MTMR1: variants seen among roughly 807,000 people sequenced by gnomAD.
MTMR1 encodes the protein phosphatidylinositol-3-phosphate phosphatase MTMR1.
A neutral mutation model predicts 51.6 loss-of-function variants in MTMR1; 17 were observed. The observed-to-expected ratio is 0.33, with a 90% confidence interval of 0.23 to 0.49. MTMR1 has a LOEUF of 0.49. Among genes scored for constraint, MTMR1 ranks in the 20% least tolerant of loss-of-function variants. The pLI is 0.99. For missense variants in MTMR1, 386 were observed against 526.9 expected (o/e 0.73, Z 2.62); for synonymous variants, 201 against 205.6 (o/e 0.98, Z 0.19).
intron 15 of MTMR1, among the ~76,000 whole-genome samples, chrX:150,760,518 A>G (rs190545884): frequency 4.5e-5 from 5 of 112,241 alleles, no homozygotes; most frequent in African/African-American, 1.3e-4. Context: ...GCTAGTACCC[A>G]TGCGGCAAAC....
intron 2 of MTMR1, among the ~76,000 whole-genome samples, chrX:150,709,875 A>G (rs1557416163): frequency 1.8e-5 from 2 of 112,519 alleles, no homozygotes; most frequent in African/African-American, 6.5e-5. Flanking sequence ...ATCCAACATG[A>G]GATTTAGAGG....
chrX:150,759,338 A>G (rs1346849767), intron 15 of MTMR1, among the ~76,000 whole-genome samples: 1 of 112,219 alleles, frequency 8.9e-6, no homozygotes, highest in Non-Finnish European at 1.9e-5. Flanking sequence ...AGAGTGTCAG[A>G]AGTCACTATG....
At chrX:150,748,539 C>T (rs192528864) in intron 13 of MTMR1, among the ~76,000 whole-genome samples, 69 of 110,006 alleles carry the variant, frequency 6.3e-4, no homozygotes, top group African/African-American at 2.1e-3. Flanking sequence ...CTATTTGAGC[C>T]GGGCACGGTA....
chrX:150,719,286 G>A (rs782617208), intron 4 of MTMR1, among the ~76,000 whole-genome samples: 1 of 111,479 alleles, frequency 9.0e-6, no homozygotes, highest in South Asian at 3.8e-4. Flanking sequence ...ACTTGGTTGG[G>A]TTGGACAGTC....
At chrX:150,729,100 A>C (rs1372631987) in intron 6 of MTMR1, among the ~76,000 whole-genome samples, 2 of 110,291 alleles carry the variant, frequency 1.8e-5, no homozygotes, top group Non-Finnish European at 3.8e-5. Flanking sequence ...CTCTCCTTAC[A>C]AGACTGCTCT....
At chrX:150,723,511 C>T (rs2041823106) in intron 4 of MTMR1, among the ~76,000 whole-genome samples, 1 of 110,450 alleles carries the variant, frequency 9.1e-6, no homozygotes, top group African/African-American at 3.3e-5. Flanking sequence ...TCCTCTCCAG[C>T]ACCTGTTGTT....
intron 13 of MTMR1, among the ~76,000 whole-genome samples, chrX:150,748,659 A>C (rs1019871205): frequency 6.4e-5 from 6 of 93,182 alleles, no homozygotes; most frequent in Admixed American, 5.5e-4. Flanking sequence ...CTTTACAAAA[A>C]AAAAACAAAA....
chrX:150,756,277 A>G (rs1211354676), intron 15 of MTMR1, among the ~76,000 whole-genome samples: 1 of 112,105 alleles, frequency 8.9e-6, no homozygotes, highest in Non-Finnish European at 1.9e-5. Flanking sequence ...CTGTTAGTCC[A>G]GCAGTAGGAG....
At chrX:150,762,274 C>A (rs782473735) in intron 15 of MTMR1, among the ~76,000 whole-genome samples, 1 of 112,400 alleles carries the variant, frequency 8.9e-6, no homozygotes, top group Non-Finnish European at 1.9e-5. Context: ...TGCGCAGTGT[C>A]CCCGTGCCTG....
chrX:150,693,218 G>A (rs1249829235), upstream of MTMR1: 1 of 114,020 alleles, frequency 8.8e-6, no homozygotes, highest in Admixed American at 9.3e-5. Flanking sequence ...TACGCACCCA[G>A]GTCGCTGGAG....
In MTMR1 at chrX:150,716,175, A is replaced by G. The variant is rs201666498; in HGVS notation, c.277-2450A>G. 3.5e-5 allele frequency among the ~76,000 whole-genome samples: 4 copies of G among 112,884 alleles called. No individual in the cohort carries two copies. The East Asian group carries it at 1.1e-3, about 31-fold the overall frequency. On this transcript the variant is annotated intron_variant, in intron 3 of 15. Transcript: ENST00000445323. ...TAACATATAAGAAACTTAAGTCTGT[A>G]TAATACATGATAATATTTAGCCATT...
In MTMR1 at chrX:150,760,887, G is replaced by A. The variant is rs183977929; in HGVS notation, c.1858-1678G>A. The stretch of plus-strand genomic sequence containing the variant: ...GGTTGCAGTGAGCTGAGATCGTGCC[G>A]CTGCACTCCAGCCTGGGGGAGAGAG... On this transcript the variant is annotated intron_variant, in intron 15 of 15. Transcript: ENST00000445323. Among the ~76,000 whole-genome samples the A allele has an allele frequency of 6.0e-3, 633 of 105,125 alleles. 4 individuals are homozygous for A. The highest frequency in any genetic ancestry group is 0.01 in the Middle Eastern group (2 of 200). 91.3% of individuals were successfully genotyped at this position (105,125 alleles called of 115,157 possible). A position where few individuals can be genotyped will look rare whatever the true frequency, so the allele number is the denominator to read the frequency against.
chrX:150,745,583 A>G (rs1259851723), intron 13 of MTMR1, among the ~76,000 whole-genome samples: 1 of 111,152 alleles, frequency 9.0e-6, no homozygotes, highest in Non-Finnish European at 1.9e-5. Context: ...TTGGGGCAGA[A>G]GGAAGGTTGA....
rs781916013 is a variant in MTMR1 at position 150,736,630 on chromosome X, C to T, written c.1116C>T (p.Tyr372=). 6 of 1,208,707 alleles carry T rather than the reference C, an allele frequency of 5.0e-6. No homozygotes were observed. The stretch of plus-strand genomic sequence containing the variant: ...GAGGATATGAAAGTGAAAGTGCTTA[C>T]CCAAATGCAGAACTTGTGTTCTTGG... ...KGGGYESESA[Y]PNAELVFLEI... Residue 372 remains tyrosine (Y), a synonymous_variant, in exon 11 of 16, where the codon TAC becomes TAT. Transcript: ENST00000445323.
In MTMR1 at chrX:150,718,619, T is replaced by TGC. The variant is rs782493242; in HGVS notation, c.277-5_277-4dup. 29 of 521,411 alleles carry TGC rather than the reference T, an allele frequency of 5.6e-5. No individual in the cohort carries two copies. The highest frequency in any genetic ancestry group is 9.1e-5 in the Admixed American group (2 of 22,043). 43.0% of individuals were successfully genotyped at this position (521,411 alleles called of 1,213,427 possible). On this transcript the variant is annotated splice_region_variant and splice_polypyrimidine_tract_variant and intron_variant, in intron 3 of 15. Coordinates refer to ENST00000445323, the MANE Select transcript of MTMR1 (RefSeq NM_001306144.3). ...TTTTTTTTTTTTTTTTTTTTTTTTT[T>TGC]GCCAGGCTCTAAGGGATGGAAATAA...
chrX:150,728,449 C>T (rs781859876), intron 6 of MTMR1, among the ~76,000 whole-genome samples: 21 of 111,808 alleles, frequency 1.9e-4, no homozygotes, highest in African/African-American at 6.2e-4. Context: ...TTTAAGACTA[C>T]GTTCAGAACA....
At chrX:150,730,751 C>A in intron 8 of MTMR1, 143 bp downstream of exon 8, 1 of 310,548 alleles carries the variant, frequency 3.2e-6, no homozygotes, top group Non-Finnish European at 5.8e-6. Context: ...GGTTCTCCAT[C>A]TTTCCTTGAT....
At chrX:150,698,674 GCGCGCGCACACACACACA>G (rs1378363497) in intron 1 of MTMR1, among the ~76,000 whole-genome samples, 29 of 61,224 alleles carry the variant, frequency 4.7e-4, no homozygotes, top group Middle Eastern at 8.8e-3. Context: ...CTGTCTACAC[GCGCGCGCACACACACACA>G]CACACACACA....
At chrX:150,757,824 G>A (rs1301508700) in intron 15 of MTMR1, among the ~76,000 whole-genome samples, 7 of 111,703 alleles carry the variant, frequency 6.3e-5, no homozygotes, top group Non-Finnish European at 1.3e-4. Flanking sequence ...CCCGTTGAGC[G>A]CCCTCTTCCC....
Sources: allele counts gnomAD v4.1 joint callset (sites outside exome capture counted in the v4.1 genomes callset), GRCh38; gene constraint gnomAD v4.1.1; transcripts MANE v1.5; gene names NCBI Gene and HGNC (gene_info 2026-07-23, HGNC 2026-07-21).